The following HSD3B1 variants were observed in gnomAD, a reference collection of about 807,000 sequenced individuals.
HSD3B1 encodes hydroxy-delta-5-steroid dehydrogenase, 3 beta- and steroid delta-isomerase 1.
In HSD3B1, 11 loss-of-function variants were observed where a neutral mutation model predicts 10.4. The ratio of observed to expected loss-of-function variants is 1.05; its 90% confidence interval spans 0.66 to 1.75. HSD3B1 has a LOEUF of 1.75. Among genes scored for constraint, HSD3B1 ranks in the 40% most tolerant of loss-of-function variants. The pLI, the probability that HSD3B1 is intolerant of heterozygous loss-of-function variation, is 0.00. For missense variants in HSD3B1, 490 were observed against 454.5 expected (o/e 1.08, Z -0.71); for synonymous variants, 217 against 185.4 (o/e 1.17, Z -1.39).
Position 119,511,640 on chromosome 1 carries a change from G to T in HSD3B1, c.283G>T (p.Glu95Ter). 6.2e-7 allele frequency: 1 copy of T among 1,613,784 alleles called. No homozygotes were observed. Among genetic ancestry groups the T allele is most frequent in the Non-Finnish European group, 8.5e-7 (1 of 1,179,740 alleles). The change falls in exon 3 of 4, where the codon GAG (glutamate) becomes TAG (stop). Residue 95 changes from glutamate (E) to a stop codon, truncating the protein, a stop_gained. Coordinates refer to ENST00000369413, the MANE Select transcript of HSD3B1 (RefSeq NM_000862.3). LOFTEE classifies it low-confidence loss of function (END_TRUNC). ...IIDVFGVTHRESIMNVNVKGT... is the reference protein window; with the variant it reads ...IIDVFGVTHR ...TGATGTCTTCGGTGTCACTCACAGA[G>T]AGTCTATCATGAATGTCAATGTGAA...
In HSD3B1 at chr1:119,507,604, TGA is replaced by T. The variant is rs1404813530; in HGVS notation, c.134_135del (p.Glu45GlyfsTer4). ...TTGGACAAGGCCTTCGGACCAGAATTGAGAGAGGAATTTTCTAGTAAGTAAAC... is the reference window on the plus strand; with the variant it reads ...TTGGACAAGGCCTTCGGACCAGAATTGAGAGGAATTTTCTAGTAAGTAAAC... On this transcript the variant is annotated frameshift_variant, in exon 2 of 4. Transcript: ENST00000369413. LOFTEE classifies it high-confidence loss of function. 2 of 1,613,876 alleles carry T rather than the reference TGA, an allele frequency of 1.2e-6. No individual in the cohort carries two copies. Among genetic ancestry groups the T allele is most frequent in the South Asian group, 2.2e-5 (2 of 91,058 alleles).
rs757749268 is a variant in HSD3B1, at chr1:119,513,912, G to T, written c.389G>T (p.Gly130Val). Residue 130 changes from glycine (G) to valine (V), a missense_variant, in exon 4 of 4, where the codon GGG becomes GTG. Physicochemically the swap from Gly to Val is moderately radical, Grantham distance 109. Coordinates refer to ENST00000369413, the MANE Select transcript of HSD3B1 (RefSeq NM_000862.3). ...FIYTSSIEVA[G>V]PNSYKEIIQN... The stretch of plus-strand genomic sequence containing the variant: ...TACACCAGTAGCATAGAGGTAGCCG[G>T]GCCCAACTCCTACAAGGAAATCATC... 1 of 1,613,950 alleles carries T rather than the reference G, an allele frequency of 6.2e-7. No individual in the cohort carries two copies. The highest frequency in any genetic ancestry group is 1.7e-5 in the Admixed American group (1 of 59,994).
Position 119,514,379 on chromosome 1 carries a change from T to C in HSD3B1, c.856T>C (p.Phe286Leu), listed in dbSNP as rs6205. The change falls in exon 4 of 4, where the codon TTT (phenylalanine) becomes CTT (leucine). Residue 286 changes from phenylalanine to leucine, a missense_variant. Phe to Leu is a conservative substitution (Grantham distance 22). Coordinates refer to ENST00000369413, the MANE Select transcript of HSD3B1 (RefSeq NM_000862.3). ...FGLRLDSRWSFPLSLMYWIGF... is the reference protein window; with the variant it reads ...FGLRLDSRWSLPLSLMYWIGF... Reference sequence around the variant, plus strand: ...CCTCCGCCTTGATTCCAGATGGAGCTTTCCTTTATCCCTGATGTATTGGAT... The same window carrying C: ...CCTCCGCCTTGATTCCAGATGGAGCCTTCCTTTATCCCTGATGTATTGGAT... 46,200 of 1,614,036 alleles carry C rather than the reference T, an allele frequency of 0.029. 6,613 individuals carry two copies. In the African/African-American group the frequency reaches 0.4, roughly 14 times the overall value.
Position 119,511,483 on chromosome 1 carries a change from C to G in HSD3B1, c.146-20C>G. ...CCAGATACAGAAATCATTCCAATGACCTGACCTGTGTTCACACAGAACTCC... is the reference window on the plus strand; with the variant it reads ...CCAGATACAGAAATCATTCCAATGAGCTGACCTGTGTTCACACAGAACTCC... On this transcript the variant is annotated intron_variant, in intron 2 of 3. Transcript: ENST00000369413. The G allele has an allele frequency of 6.2e-7, 1 of 1,613,180 alleles. No individual in the cohort carries two copies. The highest frequency in any genetic ancestry group is 8.5e-7 in the Non-Finnish European group (1 of 1,179,270).
rs111759237 is a variant in HSD3B1, at chr1:119,510,399, C to A, written c.146-1104C>A. Reference sequence around the variant, plus strand: ...CTGAGTAATGACTCCACTCTCCTCCCAGTTGCCCAAGCAGGAAACTGTAGG... The same window carrying A: ...CTGAGTAATGACTCCACTCTCCTCCAAGTTGCCCAAGCAGGAAACTGTAGG... On this transcript the variant is annotated intron_variant, in intron 2 of 3. Coordinates refer to ENST00000369413, the MANE Select transcript of HSD3B1 (RefSeq NM_000862.3). Among the ~76,000 whole-genome samples the A allele has an allele frequency of 5.1e-4, 77 of 152,300 alleles. 1 individual carries two copies. The highest frequency in any genetic ancestry group is 1.8e-3 in the African/African-American group (76 of 41,568).
intron 2 of HSD3B1, among the ~76,000 whole-genome samples, chr1:119,510,404 G>A (rs1474120415): frequency 6.6e-6 from 1 of 152,120 alleles, no homozygotes; most frequent in Non-Finnish European, 1.5e-5. Context: ...CCTCCCAGTT[G>A]CCCAAGCAGG....
At position 119,514,554 on chromosome 1, in the gene HSD3B1, A is replaced by G. The variant is rs755404903; in HGVS notation, c.1031A>G (p.Tyr344Cys). 2 of 1,613,942 alleles carry G rather than the reference A, an allele frequency of 1.2e-6. No individual in the cohort carries two copies. Among genetic ancestry groups the G allele is most frequent in the South Asian group, 2.2e-5 (2 of 91,076 alleles). The change falls in exon 4 of 4, where the codon TAC becomes TGC. Residue 344 changes from tyrosine (Y) to cysteine (C), a missense_variant. Physicochemically the swap from Tyr to Cys is radical, Grantham distance 194. Coordinates refer to ENST00000369413, the MANE Select transcript of HSD3B1 (RefSeq NM_000862.3). ...AQRDLAYKPL[Y>C]SWEEAKQKTV... ...CGAGATCTGGCGTATAAGCCACTCT[A>G]CAGCTGGGAGGAAGCCAAGCAGAAA... is the stretch of plus-strand genomic sequence containing the variant.
chr1:119,508,305 A>C (rs1653846381), intron 2 of HSD3B1, among the ~76,000 whole-genome samples: 1 of 152,070 alleles, frequency 6.6e-6, no homozygotes, highest in African/African-American at 2.4e-5. Flanking sequence ...CAGAGCAGAG[A>C]CAGAGTAAGA....
rs1654064549 is a variant in HSD3B1, at chr1:119,514,866, C to T, written c.*221C>T. The T allele has an allele frequency of 1.7e-6, 1 of 589,378 alleles. No homozygotes were observed. The highest frequency in any genetic ancestry group is 2.0e-5 in the South Asian group (1 of 48,868). The allele number at this position is 589,378 out of a possible 1,614,324, so 36.5% of individuals were successfully genotyped here. A position where few individuals can be genotyped will look rare whatever the true frequency, so the allele number is the denominator to read the frequency against. Reference sequence around the variant, plus strand: ...CCTAATCATATACCAGAGGAAAGACCATGTGGTTTGCTGTTACCAAATCTC... The same window carrying T: ...CCTAATCATATACCAGAGGAAAGACTATGTGGTTTGCTGTTACCAAATCTC... On this transcript the variant is annotated 3_prime_UTR_variant, in exon 4 of 4. Coordinates refer to ENST00000369413, the MANE Select transcript of HSD3B1 (RefSeq NM_000862.3).
In HSD3B1 at chr1:119,514,243, G is replaced by T. The variant is rs751443733; in HGVS notation, c.720G>T (p.Leu240=). The change falls in exon 4 of 4, where the codon CTG becomes CTT. Residue 240 remains leucine, a synonymous_variant. Transcript: ENST00000369413. ...CCCACATTCTGGCCTTGAGGGCCCT[G>T]CAGGACCCCAAGAAGGCCCCAAGCA... is the stretch of plus-strand genomic sequence containing the variant. ...AWAHILALRA[L]QDPKKAPSIR... is the part of the protein sequence containing the mutation. 2 of 1,614,104 alleles carry T rather than the reference G, an allele frequency of 1.2e-6. No individual in the cohort carries two copies. The highest frequency in any genetic ancestry group is 1.7e-6 in the Non-Finnish European group (2 of 1,180,018).
At chr1:119,509,963 A>G (rs940546815) in intron 2 of HSD3B1, among the ~76,000 whole-genome samples, 1 of 152,204 alleles carries the variant, frequency 6.6e-6, no homozygotes, top group Non-Finnish European at 1.5e-5. Flanking sequence ...AGCCTTCACT[A>G]GAAACGTGAC....
intron 2 of HSD3B1, among the ~76,000 whole-genome samples, chr1:119,508,296 A>C (rs1284120820): frequency 3.9e-5 from 6 of 152,160 alleles, no homozygotes. Flanking sequence ...TGCACAGCAC[A>C]GAGCAGAGAC....
In HSD3B1 at chr1:119,514,612, G is replaced by A. The variant is rs769655545; in HGVS notation, c.1089G>A (p.Arg363=). The change falls in exon 4 of 4, where the codon CGG becomes CGA. Residue 363 remains arginine (R), a synonymous_variant. Transcript: ENST00000369413. ...TVEWVGSLVD[R]HKETLKSKTQ Reference sequence around the variant, plus strand: ...AGTGGGTTGGTTCCCTTGTGGACCGGCACAAGGAGACCCTGAAGTCCAAGA... The same window carrying A: ...AGTGGGTTGGTTCCCTTGTGGACCGACACAAGGAGACCCTGAAGTCCAAGA... 4.3e-6 allele frequency: 7 copies of A among 1,613,718 alleles called. No individual in the cohort carries two copies. Among genetic ancestry groups the A allele is most frequent in the Non-Finnish European group, 5.9e-6 (7 of 1,179,958 alleles).
chr1:119,514,917 G>A lies in HSD3B1; in HGVS notation c.*272G>A, dbSNP rs115746802. On this transcript the variant is annotated 3_prime_UTR_variant, in exon 4 of 4. Transcript: ENST00000369413. The stretch of plus-strand genomic sequence containing the variant: ...AGTAGCTGATTCTGAACAATTTAGG[G>A]ACTCTTTTAACTTGAGGGTCGTTTT... The A allele has an allele frequency of 1.0e-3, 491 of 480,224 alleles. 1 individual carries two copies. The highest frequency in any genetic ancestry group is 1.5e-3 in the Non-Finnish European group (413 of 269,964). The allele number at this position is 480,224 out of a possible 1,614,324, so 29.7% of individuals were successfully genotyped here. A position where few individuals can be genotyped will look rare whatever the true frequency, so the allele number is the denominator to read the frequency against.
At chr1:119,509,246 A>T (rs1653872862) in intron 2 of HSD3B1, among the ~76,000 whole-genome samples, 1 of 152,226 alleles carries the variant, frequency 6.6e-6, no homozygotes, top group African/African-American at 2.4e-5. Flanking sequence ...ATTTGAACCC[A>T]GACAGACTAG....
At position 119,514,581 on chromosome 1, in the gene HSD3B1, C is replaced by A; in HGVS notation, c.1058C>A (p.Thr353Lys). ...LYSWEEAKQKTVEWVGSLVDR... is the reference protein window; with the variant it reads ...LYSWEEAKQKKVEWVGSLVDR... Reference sequence around the variant, plus strand: ...AGCTGGGAGGAAGCCAAGCAGAAAACGGTGGAGTGGGTTGGTTCCCTTGTG... The same window carrying A: ...AGCTGGGAGGAAGCCAAGCAGAAAAAGGTGGAGTGGGTTGGTTCCCTTGTG... The change falls in exon 4 of 4, where the codon ACG (threonine) becomes AAG (lysine). Residue 353 changes from threonine to lysine, a missense_variant. Coordinates refer to ENST00000369413, the MANE Select transcript of HSD3B1 (RefSeq NM_000862.3). 2 of 1,613,868 alleles carry A rather than the reference C, an allele frequency of 1.2e-6. No individual in the cohort carries two copies. Among genetic ancestry groups the A allele is most frequent in the Non-Finnish European group, 1.7e-6 (2 of 1,179,986 alleles).
At position 119,507,387 on chromosome 1, in the gene HSD3B1, T is replaced by A. The variant is rs1653813817; in HGVS notation, c.-85-5T>A. On this transcript the variant is annotated splice_region_variant and splice_polypyrimidine_tract_variant and intron_variant, in intron 1 of 3. Coordinates refer to ENST00000369413, the MANE Select transcript of HSD3B1 (RefSeq NM_000862.3). ...AGTATATAACCATTTGACATCTCTT[T>A]TTAGCCCTCTCCAGGGTCACCCTAG... The A allele has an allele frequency of 2.2e-6, 3 of 1,363,388 alleles. No individual in the cohort carries two copies. The highest frequency in any genetic ancestry group is 1.0e-6 in the Non-Finnish European group (1 of 959,180). 84.5% of individuals were successfully genotyped at this position (1,363,388 alleles called of 1,614,324 possible). A position where few individuals can be genotyped will look rare whatever the true frequency, so the allele number is the denominator to read the frequency against.
chr1:119,511,901 G>A (rs6685275), intron 3 of HSD3B1: 22,072 of 514,250 alleles, frequency 0.043, 2,572 homozygotes, highest in African/African-American at 0.3. Context: ...TAAGTAAGCA[G>A]GTAGGAGAGT....
rs1422860505 is a variant in HSD3B1, at chr1:119,507,531, A to G, written c.55A>G (p.Ile19Val). 9 of 1,613,800 alleles carry G rather than the reference A, an allele frequency of 5.6e-6. No homozygotes were observed. Among genetic ancestry groups the G allele is most frequent in the African/African-American group, 1.3e-5 (1 of 74,898 alleles). Reference sequence around the variant, plus strand: ...AGCAGGAGGGTTTCTGGGACAGAGGATCATCCGCCTCTTGGTGAAGGAGAA... The same window carrying G: ...AGCAGGAGGGTTTCTGGGACAGAGGGTCATCCGCCTCTTGGTGAAGGAGAA... ...TGAGGFLGQR[I>V]IRLLVKEKEL... is the part of the protein sequence containing the mutation. The change falls in exon 2 of 4, where the codon ATC (isoleucine) becomes GTC (valine). Residue 19 changes from isoleucine to valine, a missense_variant. Transcript: ENST00000369413.
Sources: gnomAD v4.1 joint callset for allele counts (sites outside exome capture counted in the v4.1 genomes callset) on GRCh38, gnomAD v4.1.1 for gene constraint, MANE v1.5 for transcripts, NCBI Gene and HGNC (gene_info 2026-07-23, HGNC 2026-07-21) for gene names.